The following COL24A1 variants were observed in gnomAD, a reference collection of about 807,000 sequenced individuals.
The protein encoded by COL24A1 is collagen type XXIV alpha 1 chain, also known as collagen alpha-1(XXIV) chain.
Under a neutral mutation model 253.9 loss-of-function variants are expected in COL24A1, and 224 were observed. The ratio of observed to expected loss-of-function variants is 0.88; its 90% CI spans 0.79 to 0.99. The LOEUF is 0.99. Among genes scored for constraint, COL24A1 ranks in the 50% least tolerant of loss-of-function variants. The probability of loss-of-function intolerance (pLI) is 0.00; values close to 1 mark genes in which losing one functional copy is unlikely to be tolerated. For missense variants in COL24A1, 2,131 were observed against 2,068.5 expected (o/e 1.03, Z -0.59); for synonymous variants, 685 against 673.7 (o/e 1.02, Z -0.26).
intron 24 of COL24A1, among the ~76,000 whole-genome samples, chr1:85,919,585 G>A (rs1201320025): frequency 1.3e-5 from 2 of 152,228 alleles, no homozygotes; most frequent in African/African-American, 2.4e-5. Flanking sequence ...TCAGAAGACT[G>A]AGGCGGGAGG....
intron 28 of COL24A1, among the ~76,000 whole-genome samples, chr1:85,903,068 T>TAA (rs5775876): frequency 2.0e-5 from 3 of 151,920 alleles, no homozygotes; most frequent in South Asian, 2.1e-4. Flanking sequence ...AATGCTTCCT[T>TAA]AAAAAAACCC....
intron 47 of COL24A1, among the ~76,000 whole-genome samples, chr1:85,799,404 A>C (rs1378079710): frequency 7.9e-6 from 1 of 127,142 alleles, no homozygotes; most frequent in Admixed American, 8.0e-5. Flanking sequence ...AAAAAAAAAA[A>C]AACCAATGGA....
chr1:86,128,520 G>A (rs769679894), intron 2 of COL24A1, among the ~76,000 whole-genome samples: 1 of 151,916 alleles, frequency 6.6e-6, no homozygotes, highest in Non-Finnish European at 1.5e-5. Context: ...GGTATATCAA[G>A]GGCTGCACGC....
intron 46 of COL24A1, among the ~76,000 whole-genome samples, chr1:85,817,821 TC>T (rs1673199055): frequency 6.6e-6 from 1 of 152,172 alleles, no homozygotes; most frequent in South Asian, 2.1e-4. Context: ...ATAGCATCCT[TC>T]AACTGCAGGG....
chr1:86,144,652 G>A (rs1263273001), intron 2 of COL24A1, among the ~76,000 whole-genome samples: 1 of 151,968 alleles, frequency 6.6e-6, no homozygotes, highest in Non-Finnish European at 1.5e-5. Flanking sequence ...TCTTCTCTGT[G>A]GCTCTAGGAG....
rs767976964 is a variant in COL24A1, at chr1:86,125,930, G to T, written c.406C>A (p.Gln136Lys). Residue 136 changes from glutamine to lysine, a missense_variant, in exon 3 of 60, where the codon CAA becomes AAA. Transcript: ENST00000370571. Reference sequence around the variant, plus strand: ...ACTACTAATTTTTTAGGTAGTAATTGTACTCCTAATTGCAGTCTATTTTTA... The same window carrying T: ...ACTACTAATTTTTTAGGTAGTAATTTTACTCCTAATTGCAGTCTATTTTTA... ...RNKNRLQLGV[Q>K]LLPKKLVVHI... The T allele has an allele frequency of 2.6e-5, 42 of 1,613,236 alleles. No individual in the cohort carries two copies. Among genetic ancestry groups the T allele is most frequent in the Non-Finnish European group, 8.5e-6 (10 of 1,179,714 alleles).
chr1:86,053,569 C>T (rs1700467850), intron 10 of COL24A1, among the ~76,000 whole-genome samples: 1 of 151,832 alleles, frequency 6.6e-6, no homozygotes, highest in African/African-American at 2.4e-5. Context: ...AAAATAATAA[C>T]ACATGTTTTT....
intron 19 of COL24A1, among the ~76,000 whole-genome samples, chr1:86,002,165 G>T (rs1173732062): frequency 6.6e-6 from 1 of 152,242 alleles, no homozygotes; most frequent in Non-Finnish European, 1.5e-5. Context: ...CTGATGATCA[G>T]CCAATCACTT....
chr1:86,070,375 T>A (rs1557489539), intron 7 of COL24A1, among the ~76,000 whole-genome samples: 1 of 152,030 alleles, frequency 6.6e-6, no homozygotes, highest in African/African-American at 2.4e-5. Flanking sequence ...GTTATTGGCC[T>A]TAAAGAGGAA....
At chr1:85,748,539 C>T (rs1408989562) in intron 55 of COL24A1, among the ~76,000 whole-genome samples, 1 of 152,040 alleles carries the variant, frequency 6.6e-6, no homozygotes, top group Non-Finnish European at 1.5e-5. Flanking sequence ...GCCAAGATGG[C>T]CGAATAGGAA....
At chr1:85,940,102 A>G (rs763176906) in intron 24 of COL24A1, among the ~76,000 whole-genome samples, 1 of 151,520 alleles carries the variant, frequency 6.6e-6, no homozygotes, top group African/African-American at 2.4e-5. Flanking sequence ...ATTCATTAAC[A>G]CTTTTAAAAA....
chr1:85,960,625 G>A (rs562478148), intron 24 of COL24A1: 374 of 152,222 alleles, frequency 2.5e-3, no homozygotes, highest in Middle Eastern at 6.8e-3. Context: ...GCTCACACCT[G>A]TAATCCCAGC....
At chr1:85,842,805 TG>T (rs1676758798) in intron 39 of COL24A1, among the ~76,000 whole-genome samples, 1 of 152,120 alleles carries the variant, frequency 6.6e-6, no homozygotes, top group South Asian at 2.1e-4. Flanking sequence ...CCATACTCAT[TG>T]TTAGTTTCAG....
chr1:86,108,311 T>A (rs1447182053), intron 5 of COL24A1, among the ~76,000 whole-genome samples: 1 of 152,170 alleles, frequency 6.6e-6, no homozygotes, highest in Non-Finnish European at 1.5e-5. Flanking sequence ...ATAATTTTAG[T>A]TTGATACAAA....
chr1:85,850,253 C>T (rs1677610346), intron 37 of COL24A1, among the ~76,000 whole-genome samples: 1 of 152,092 alleles, frequency 6.6e-6, no homozygotes, highest in South Asian at 2.1e-4. Flanking sequence ...TAATTAATCA[C>T]AACATTCCCT....
At chr1:86,049,931 C>T (rs950313146) in intron 11 of COL24A1, among the ~76,000 whole-genome samples, 193 bp downstream of exon 11, 1 of 151,968 alleles carries the variant, frequency 6.6e-6, no homozygotes, top group East Asian at 1.9e-4. Flanking sequence ...TTCTATCATG[C>T]TATATTACTT....
intron 53 of COL24A1, among the ~76,000 whole-genome samples, chr1:85,772,566 C>A (rs1029107602): frequency 8.5e-5 from 13 of 152,174 alleles, no homozygotes; most frequent in Non-Finnish European, 1.8e-4. Flanking sequence ...GCCATTCTAA[C>A]TGGTGTGAGA....
intron 18 of COL24A1, 49 bp from the exon 19 acceptor site, chr1:86,017,253 C>A (rs2101241467): frequency 1.4e-6 from 2 of 1,439,460 alleles, no homozygotes; most frequent in Non-Finnish European, 9.3e-7. Flanking sequence ...TTAATAAACA[C>A]AATTAAAAGA....
At chr1:85,847,962 A>G (rs1238626044) in intron 38 of COL24A1, among the ~76,000 whole-genome samples, 190 bp from the exon 39 acceptor site, 1 of 152,182 alleles carries the variant, frequency 6.6e-6, no homozygotes, top group Non-Finnish European at 1.5e-5. Context: ...GAAAAAGATA[A>G]AATAAAAATT....
Sources: gnomAD v4.1 joint callset for allele counts (sites outside exome capture counted in the v4.1 genomes callset) on GRCh38, gnomAD v4.1.1 for gene constraint, MANE v1.5 for transcripts, NCBI Gene and HGNC (gene_info 2026-07-23, HGNC 2026-07-21) for gene names.